BLOC1S6: variants seen among roughly 807,000 people sequenced by gnomAD.
BLOC1S6 encodes the protein biogenesis of lysosomal organelles complex 1 subunit 6, also known as biogenesis of lysosome-related organelles complex 1 subunit 6.
Under a neutral mutation model 24.7 loss-of-function variants are expected in BLOC1S6, and 24 were observed. The observed-to-expected ratio is 0.97, with a 90% CI of 0.70 to 1.37. The LOEUF is 1.37. Ranked by LOEUF, BLOC1S6 falls within the 40% of genes most tolerant of loss-of-function variation. BLOC1S6 has a pLI of 0.00. For missense variants in BLOC1S6, 175 were observed against 196.2 expected (o/e 0.89, Z 0.64); for synonymous variants, 76 against 72.6 (o/e 1.05, Z -0.23).
chr15:45,590,059 A>G (rs1893826854), intron 1 of BLOC1S6, among the ~76,000 whole-genome samples: 1 of 152,170 alleles, frequency 6.6e-6, no homozygotes, highest in African/African-American at 2.4e-5. Flanking sequence ...TAATACTTAA[A>G]GTTGCTGATT....
chr15:45,600,903 A>G (rs1894248748), intron 2 of BLOC1S6, among the ~76,000 whole-genome samples: 1 of 152,164 alleles, frequency 6.6e-6, no homozygotes, highest in Admixed American at 6.5e-5. Flanking sequence ...CCTAGTGGAT[A>G]CAATATTTTA....
At chr15:45,589,178 AT>A (rs1418383865) in intron 1 of BLOC1S6, among the ~76,000 whole-genome samples, 2 of 152,220 alleles carry the variant, frequency 1.3e-5, no homozygotes, top group Non-Finnish European at 2.9e-5. Flanking sequence ...GCTAAAAATA[AT>A]GTAGTAGATC....
intron 1 of BLOC1S6, among the ~76,000 whole-genome samples, chr15:45,589,555 ACATTTTCTGTTTCT>A (rs1186865606): frequency 2.0e-5 from 3 of 152,218 alleles, no homozygotes; most frequent in African/African-American, 7.2e-5. Flanking sequence ...AATTTCCATA[ACATTTTCTGTTTCT>A]CATTTTCTGT....
At chr15:45,597,377 G>C (rs1256712413) in intron 2 of BLOC1S6, among the ~76,000 whole-genome samples, 2 of 152,122 alleles carry the variant, frequency 1.3e-5, no homozygotes, top group African/African-American at 4.8e-5. Flanking sequence ...TACTTGGGAG[G>C]CTGAGGCAGG....
rs1475612644 is a variant in BLOC1S6 at position 45,590,410 on chromosome 15, T to G, written c.83-1725T>G. ...GATAGCATGTTGTTTTCCTCAATCT[T>G]TTTTTTTTTTTTTTTGAGGCAGAGT... On this transcript the variant is annotated intron_variant, in intron 1 of 4. Coordinates refer to ENST00000220531, the MANE Select transcript of BLOC1S6 (RefSeq NM_012388.4). 3.5e-5 allele frequency among the ~76,000 whole-genome samples: 4 copies of G among 114,480 alleles called. No individual in the cohort carries two copies. The East Asian group carries it at 9.4e-4, about 27-fold the overall frequency. 75.1% of individuals were successfully genotyped at this position (114,480 alleles called of 152,430 possible). A position where few individuals can be genotyped will look rare whatever the true frequency, so the allele number is the denominator to read the frequency against.
At chr15:45,589,936 G>A (rs1281108001) in intron 1 of BLOC1S6, among the ~76,000 whole-genome samples, 2 of 152,172 alleles carry the variant, frequency 1.3e-5, no homozygotes, top group Non-Finnish European at 2.9e-5. Context: ...GAGTTAAAAT[G>A]TATGTATATA....
At chr15:45,594,477 C>T (rs745966964) in intron 2 of BLOC1S6, among the ~76,000 whole-genome samples, 18 of 152,140 alleles carry the variant, frequency 1.2e-4, no homozygotes, top group Admixed American at 6.6e-5. Flanking sequence ...ATTCCTCAGA[C>T]ACTGCATTAA....
chr15:45,589,227 T>A (rs561511885), intron 1 of BLOC1S6, among the ~76,000 whole-genome samples: 1 of 152,326 alleles, frequency 6.6e-6, no homozygotes, highest in African/African-American at 2.4e-5. Context: ...AAGATATATG[T>A]TTTAAAAGTT....
intron 2 of BLOC1S6, chr15:45,597,790 A>G (rs1894130547): frequency 4.8e-6 from 1 of 210,110 alleles, no homozygotes; most frequent in Non-Finnish European, 1.0e-5. Context: ...GAATTTCCAC[A>G]TAGGAAATCA....
intron 2 of BLOC1S6, 22 bp from the exon 3 acceptor site, chr15:45,603,078 T>G: frequency 6.6e-7 from 1 of 1,525,562 alleles, no homozygotes; most frequent in South Asian, 1.1e-5. Context: ...GAGTTTGTCT[T>G]GGCTGTGTGT....
At chr15:45,591,433 A>G (rs2140903656) in intron 1 of BLOC1S6, among the ~76,000 whole-genome samples, 1 of 151,964 alleles carries the variant, frequency 6.6e-6, no homozygotes, top group Non-Finnish European at 1.5e-5. Context: ...TTTTATTTTT[A>G]TATCTATTTA....
At chr15:45,592,853 A>G (rs1893934509) in intron 2 of BLOC1S6, among the ~76,000 whole-genome samples, 1 of 152,196 alleles carries the variant, frequency 6.6e-6, no homozygotes, top group Admixed American at 6.5e-5. Context: ...CACAGACAAC[A>G]CACTCAGCTT....
chr15:45,605,424 T>G lies in BLOC1S6; in HGVS notation c.313-4T>G, dbSNP rs751617676. 6.2e-7 allele frequency: 1 copy of G among 1,602,598 alleles called. No individual in the cohort carries two copies. Among genetic ancestry groups the G allele is most frequent in the East Asian group, 2.2e-5 (1 of 44,704 alleles). ...TGACTTTTCATTTATTTTTCCATGT[T>G]AAGTTTGCTGAGGCTAAACACTATC... is the stretch of plus-strand genomic sequence containing the variant. On this transcript the variant is annotated splice_polypyrimidine_tract_variant and splice_region_variant and intron_variant, in intron 3 of 4. Coordinates refer to ENST00000220531, the MANE Select transcript of BLOC1S6 (RefSeq NM_012388.4).
At position 45,606,694 on chromosome 15, in the gene BLOC1S6, G is replaced by T; in HGVS notation, c.*180G>T. ...GCAGACGTCATGTTGCATGGTTTTT[G>T]ATATTTATATGTAAGTTTTTCAAAT... On this transcript the variant is annotated 3_prime_UTR_variant, in exon 5 of 5. Transcript: ENST00000220531. 1 of 730,006 alleles carries T rather than the reference G, an allele frequency of 1.4e-6. No individual in the cohort carries two copies. The highest frequency in any genetic ancestry group is 2.1e-6 in the Non-Finnish European group (1 of 465,412). 45.2% of individuals were successfully genotyped at this position (730,006 alleles called of 1,614,324 possible).
intron 1 of BLOC1S6, among the ~76,000 whole-genome samples, chr15:45,589,963 A>T (rs988462948): frequency 6.6e-6 from 1 of 152,178 alleles, no homozygotes; most frequent in African/African-American, 2.4e-5. Flanking sequence ...AGCGAAGTGA[A>T]TTAGTTGTTA....
upstream of BLOC1S6, chr15:45,587,369 TG>T: frequency 4.3e-6 from 6 of 1,388,922 alleles, no homozygotes; most frequent in South Asian, 7.5e-5. Flanking sequence ...GGCCAGCCGC[TG>T]GAGTCGTTAG....
intron 4 of BLOC1S6, chr15:45,605,832 C>T (rs558203615): frequency 7.9e-5 from 25 of 314,770 alleles, no homozygotes; most frequent in East Asian, 3.2e-4. Context: ...TCAGGTGATA[C>T]GCCTGCCTTG....
In BLOC1S6 at chr15:45,608,271, C is replaced by G. The variant is rs1432411038; in HGVS notation, c.*1757C>G. 6.6e-6 allele frequency: 1 copy of G among 152,608 alleles called. No homozygotes were observed. The highest frequency in any genetic ancestry group is 1.5e-5 in the Non-Finnish European group (1 of 68,038). The allele number at this position is 152,608 out of a possible 1,614,324, so 9.5% of individuals were successfully genotyped here. ...AATGATGGTCTCACAATTCAGTTGA[C>G]TTTGACCTAATATTTAAGAATATAA... On this transcript the variant is annotated 3_prime_UTR_variant, in exon 5 of 5. Coordinates refer to ENST00000220531, the MANE Select transcript of BLOC1S6 (RefSeq NM_012388.4).
Position 45,592,287 on chromosome 15 carries a change from A to G in BLOC1S6, c.224+11A>G, listed in dbSNP as rs777210501. The G allele has an allele frequency of 3.5e-5, 56 of 1,613,348 alleles. No individual in the cohort carries two copies. The highest frequency in any genetic ancestry group is 4.4e-5 in the Non-Finnish European group (52 of 1,179,968). On this transcript the variant is annotated intron_variant, in intron 2 of 4. Coordinates refer to ENST00000220531, the MANE Select transcript of BLOC1S6 (RefSeq NM_012388.4). ...CCTCCAGGAACTCACGTAAGCTAAT[A>G]AAAAACCAGATATACACTCATTTCC...
Sources: gnomAD v4.1 joint callset for allele counts (sites outside exome capture counted in the v4.1 genomes callset) on GRCh38, gnomAD v4.1.1 for gene constraint, MANE v1.5 for transcripts, NCBI Gene and HGNC (gene_info 2026-07-23, HGNC 2026-07-21) for gene names.